The following SDK1 variants were observed in gnomAD, a reference collection of about 807,000 sequenced individuals.
SDK1 encodes protein sidekick-1.
A neutral mutation model predicts 245.5 loss-of-function variants in SDK1; 157 were observed. The observed-to-expected ratio is 0.64, with a 90% CI of 0.56 to 0.73. The LOEUF is 0.73. Among genes scored for constraint, SDK1 ranks in the 30% least tolerant of loss-of-function variants. The pLI, the probability that SDK1 is intolerant of heterozygous loss-of-function variation, is 0.00. For missense variants in SDK1, 3,583 were observed against 3,002.3 expected, an observed-to-expected ratio of 1.19 and a Z score of -4.52; for synonymous variants, 1,647 against 1,278.5, an observed-to-expected ratio of 1.29 and a Z score of -6.15.
chr7:3,512,398 C>T (rs1400485612), intron 1 of SDK1, among the ~76,000 whole-genome samples: 1 of 152,110 alleles, frequency 6.6e-6, no homozygotes. Context: ...CAAGTTTTCG[C>T]AATTATGAAT....
At chr7:3,951,653 G>T in intron 6 of SDK1, 77 bp from the exon 7 acceptor site, 1 of 1,344,578 alleles carries the variant, frequency 7.4e-7, no homozygotes, top group South Asian at 1.2e-5. Context: ...TCAAGCCTGT[G>T]CCGAGTGCCT....
chr7:3,804,860 TA>T (rs1331317834), intron 4 of SDK1, among the ~76,000 whole-genome samples: 1 of 152,208 alleles, frequency 6.6e-6, no homozygotes, highest in African/African-American at 2.4e-5. Context: ...TCATTGCTAT[TA>T]TAGAGAAATA....
At chr7:4,079,330 G>A (rs1207153605) in intron 21 of SDK1, 133 bp from the exon 22 acceptor site, 1 of 1,151,206 alleles carries the variant, frequency 8.7e-7, no homozygotes, top group African/African-American at 1.7e-5. Flanking sequence ...CACCTTCATG[G>A]TTTTGAGAGC....
chr7:4,041,159 A>C (rs577384369), intron 17 of SDK1, among the ~76,000 whole-genome samples: 1 of 152,308 alleles, frequency 6.6e-6, no homozygotes, highest in South Asian at 2.1e-4. Context: ...GCTTGATAAG[A>C]GGGGTCCATG....
chr7:3,801,179 T>A (rs1779097909), intron 4 of SDK1, among the ~76,000 whole-genome samples: 1 of 152,232 alleles, frequency 6.6e-6, no homozygotes, highest in Non-Finnish European at 1.5e-5. Flanking sequence ...GAGACATTAT[T>A]GTGTAATTAG....
At chr7:3,772,939 A>G (rs2115001952) in intron 4 of SDK1, among the ~76,000 whole-genome samples, 1 of 152,304 alleles carries the variant, frequency 6.6e-6, no homozygotes, top group South Asian at 2.1e-4. Context: ...ATCGTGATGA[A>G]TCACTGCAGT....
chr7:3,556,366 C>T (rs1409206874), intron 1 of SDK1, among the ~76,000 whole-genome samples: 2 of 151,994 alleles, frequency 1.3e-5, no homozygotes, highest in Non-Finnish European at 2.9e-5. Context: ...CAATTGAACT[C>T]ATGGAGATAA....
intron 17 of SDK1, among the ~76,000 whole-genome samples, chr7:4,025,971 C>A (rs1356123171): frequency 6.6e-6 from 1 of 152,194 alleles, no homozygotes; most frequent in Non-Finnish European, 1.5e-5. Context: ...CTTTCCTCCT[C>A]CCCCTCCCCT....
chr7:3,938,518 C>G (rs1780240426), intron 5 of SDK1, among the ~76,000 whole-genome samples: 1 of 151,990 alleles, frequency 6.6e-6, no homozygotes, highest in Non-Finnish European at 1.5e-5. Flanking sequence ...TGGTGGCAGG[C>G]ACCAGTAGTC....
At chr7:3,426,918 C>T (rs934788981) in intron 1 of SDK1, among the ~76,000 whole-genome samples, 6 of 152,208 alleles carry the variant, frequency 3.9e-5, no homozygotes, top group Non-Finnish European at 7.3e-5. Context: ...GCATTAAAGG[C>T]ATGCAGAGTT....
chr7:3,314,732 A>G (rs1249147031), intron 1 of SDK1, among the ~76,000 whole-genome samples: 1 of 152,236 alleles, frequency 6.6e-6, no homozygotes, highest in Non-Finnish European at 1.5e-5. Context: ...GCTTTTATAT[A>G]GATGAATACT....
intron 1 of SDK1, among the ~76,000 whole-genome samples, chr7:3,350,483 C>G (rs868801754): frequency 6.6e-6 from 1 of 152,116 alleles, no homozygotes; most frequent in Non-Finnish European, 1.5e-5. Context: ...CAGAAGAGTT[C>G]AGTATTCAGT....
intron 1 of SDK1, among the ~76,000 whole-genome samples, chr7:3,434,184 A>G (rs1441979992): frequency 1.3e-5 from 2 of 152,084 alleles, no homozygotes; most frequent in Admixed American, 6.5e-5. Context: ...AAGGCTCAGT[A>G]GCTGTACTAC....
At chr7:3,692,821 G>T (rs1008374980) in intron 4 of SDK1, among the ~76,000 whole-genome samples, 7 of 152,052 alleles carry the variant, frequency 4.6e-5, no homozygotes, top group Non-Finnish European at 1.0e-4. Flanking sequence ...CCTTCAAGTG[G>T]TATTTGTGTC....
In SDK1 at chr7:3,866,185, C is replaced by A. The variant is rs17133946; in HGVS notation, c.847+44602C>A. 7.7e-3 allele frequency among the ~76,000 whole-genome samples: 1,170 copies of A among 152,360 alleles called. 16 individuals are homozygous for A. Among genetic ancestry groups the A allele is most frequent in the African/African-American group, 0.026 (1,097 of 41,580 alleles). On this transcript the variant is annotated intron_variant, in intron 5 of 44. Coordinates refer to ENST00000404826, the MANE Select transcript of SDK1 (RefSeq NM_152744.4). ...TTCACAACCACCATATTGAGCCTTA[C>A]TTTGGTCTCAGATCACACTGAAGAG...
intron 1 of SDK1, among the ~76,000 whole-genome samples, chr7:3,446,037 A>T (rs1056799491): frequency 6.6e-6 from 1 of 152,104 alleles, no homozygotes; most frequent in African/African-American, 2.4e-5. Flanking sequence ...TTTGCAGTTG[A>T]CAGCTCTTTT....
intron 4 of SDK1, among the ~76,000 whole-genome samples, chr7:3,791,574 G>C (rs1367035234): frequency 6.6e-6 from 1 of 152,162 alleles, no homozygotes; most frequent in Non-Finnish European, 1.5e-5. Flanking sequence ...CATCCCCTCA[G>C]TACCCAGGCA....
intron 3 of SDK1, among the ~76,000 whole-genome samples, chr7:3,640,535 A>G (rs1443748660): frequency 6.6e-6 from 1 of 152,244 alleles, no homozygotes; most frequent in Non-Finnish European, 1.5e-5. Context: ...ATTCAATTGA[A>G]TGATTGAAAA....
At chr7:3,649,626 A>G (rs1182339627) in intron 4 of SDK1, among the ~76,000 whole-genome samples, 1 of 152,142 alleles carries the variant, frequency 6.6e-6, no homozygotes, top group African/African-American at 2.4e-5. Flanking sequence ...CACTGTTTTA[A>G]GGATTTTATT....
Sources: allele counts gnomAD v4.1 joint callset (sites outside exome capture counted in the v4.1 genomes callset), GRCh38; gene constraint gnomAD v4.1.1; transcripts MANE v1.5; gene names NCBI Gene and HGNC (gene_info 2026-07-23, HGNC 2026-07-21).